Variants in GABRG3 observed in about 807,000 individuals in gnomAD.
GABRG3 encodes the protein gamma-aminobutyric acid type A receptor subunit gamma3, also known as gamma-aminobutyric acid receptor subunit gamma-3.
In GABRG3, 25 loss-of-function variants were observed where a neutral mutation model predicts 48.8. The ratio of observed to expected loss-of-function variants is 0.51; its 90% CI spans 0.37 to 0.72. GABRG3 has a LOEUF of 0.72. Among genes scored for constraint, GABRG3 ranks in the 30% least tolerant of loss-of-function variants. GABRG3 has a pLI of 0.00. For missense variants in GABRG3, 394 were observed against 577.9 expected, an observed-to-expected ratio of 0.68 and a Z score of 3.26; for synonymous variants, 227 against 217.6, an observed-to-expected ratio of 1.04 and a Z score of -0.38.
At chr15:27,530,737 C>T in intron 9 of GABRG3, 1 of 470,950 alleles carries the variant, frequency 2.1e-6, no homozygotes, top group Non-Finnish European at 4.4e-6. Context: ...GTGTGGCTGC[C>T]TTACCTTGCA....
rs1270603861 is a variant in GABRG3 at position 27,215,725 on chromosome 15, G to T, written c.271-111084G>T. 2.0e-5 allele frequency among the ~76,000 whole-genome samples: 3 copies of T among 152,194 alleles called. No individual in the cohort carries two copies. In the East Asian group the frequency reaches 5.8e-4, roughly 29 times the overall value. On this transcript the variant is annotated intron_variant, in intron 3 of 9. Transcript: ENST00000615808. ...GGCATTCTGATTGCTCGAGTCAGGGGTGTGGGTCATGCCATGACCAGTTTG... is the reference window on the plus strand; with the variant it reads ...GGCATTCTGATTGCTCGAGTCAGGGTTGTGGGTCATGCCATGACCAGTTTG...
At chr15:27,304,951 T>A (rs1223315541) in intron 3 of GABRG3, among the ~76,000 whole-genome samples, 1 of 151,984 alleles carries the variant, frequency 6.6e-6, no homozygotes, top group Non-Finnish European at 1.5e-5. Context: ...TTATTTCACT[T>A]ATTGTATATC....
In GABRG3 at chr15:27,457,169, G is replaced by A. The variant is rs968746908; in HGVS notation, c.575-23481G>A. Among the ~76,000 whole-genome samples, 4 of 152,144 alleles carry A rather than the reference G, an allele frequency of 2.6e-5. No homozygotes were observed. Among genetic ancestry groups the A allele is most frequent in the Admixed American group, 1.3e-4 (2 of 15,270 alleles). ...AGCATTCATTAGAGACCACAGTGGCGGCATGCAGCTGGACTGGGAGTGACT... is the reference window on the plus strand; with the variant it reads ...AGCATTCATTAGAGACCACAGTGGCAGCATGCAGCTGGACTGGGAGTGACT... On this transcript the variant is annotated intron_variant, in intron 5 of 9. Transcript: ENST00000615808. The surrounding 1 kb of genome is among the most constrained non-coding windows in gnomAD (Gnocchi z 4.4).
intron 3 of GABRG3, among the ~76,000 whole-genome samples, chr15:27,060,177 T>C (rs765625751): frequency 2.6e-5 from 4 of 152,234 alleles, no homozygotes; most frequent in Admixed American, 6.5e-5. Flanking sequence ...TCAAGAGCTT[T>C]CCCAGGAGAA....
At chr15:27,170,204 G>A (rs914519208) in intron 3 of GABRG3, among the ~76,000 whole-genome samples, 6 of 152,028 alleles carry the variant, frequency 3.9e-5, no homozygotes, top group African/African-American at 1.4e-4. Flanking sequence ...AAGATGTTTG[G>A]CCATCTAAAG....
At chr15:27,039,224 G>A (rs2140696254) in intron 3 of GABRG3, among the ~76,000 whole-genome samples, 1 of 152,330 alleles carries the variant, frequency 6.6e-6, no homozygotes, top group East Asian at 1.9e-4. Context: ...ATTCTTGCCA[G>A]ACTGACTTAG....
chr15:27,112,836 A>G (rs1485047153), intron 3 of GABRG3, among the ~76,000 whole-genome samples: 2 of 152,194 alleles, frequency 1.3e-5, no homozygotes, highest in Non-Finnish European at 2.9e-5. Context: ...TGAGCGATTA[A>G]CTTGCTAGTT....
intron 5 of GABRG3, among the ~76,000 whole-genome samples, chr15:27,437,493 C>T (rs191462457): frequency 1.3e-3 from 196 of 152,324 alleles, no homozygotes; most frequent in Middle Eastern, 6.8e-3. Flanking sequence ...CTCCTTGTCC[C>T]TGCTCACTTC....
chr15:27,472,360 C>T (rs1595777912), intron 5 of GABRG3, among the ~76,000 whole-genome samples: 1 of 152,266 alleles, frequency 6.6e-6, no homozygotes, highest in East Asian at 1.9e-4. Context: ...ACTGCAACCT[C>T]TGCCTCCCGG....
intron 6 of GABRG3, chr15:27,482,893 T>A (rs1890134033): frequency 6.6e-6 from 1 of 152,232 alleles, no homozygotes; most frequent in African/African-American, 2.4e-5. Context: ...TCCCACCATC[T>A]TCTCACTGTG....
intron 5 of GABRG3, among the ~76,000 whole-genome samples, chr15:27,423,451 G>A (rs1888192259): frequency 6.6e-6 from 1 of 151,448 alleles, no homozygotes; most frequent in African/African-American, 2.4e-5. Context: ...GGAGCATTAT[G>A]CAGTCTATTA....
intron 3 of GABRG3, among the ~76,000 whole-genome samples, chr15:27,035,584 G>GC (rs1208790673): frequency 6.6e-6 from 1 of 152,086 alleles, no homozygotes; most frequent in African/African-American, 2.4e-5. Context: ...GTTGGGTTGG[G>GC]CCCCCTATTA....
rs143110788 is a variant in GABRG3 at position 27,026,914 on chromosome 15, G to T, written c.270+93G>T. The T allele has an allele frequency of 2.9e-5, 23 of 801,540 alleles. No individual in the cohort carries two copies. In the South Asian group the frequency reaches 5.4e-4, roughly 19 times the overall value. The allele number at this position is 801,540 out of a possible 1,614,324, so 49.7% of individuals were successfully genotyped here. On this transcript the variant is annotated intron_variant, in intron 3 of 9. Transcript: ENST00000615808. ...ATTTCTGTTTGAGATTTATCATGCCGGTTTAAAACTCACACTGACTTCTTA... is the reference window on the plus strand; with the variant it reads ...ATTTCTGTTTGAGATTTATCATGCCTGTTTAAAACTCACACTGACTTCTTA...
chr15:27,140,469 C>T (rs1009137502), intron 3 of GABRG3, among the ~76,000 whole-genome samples: 6 of 152,164 alleles, frequency 3.9e-5, no homozygotes, highest in African/African-American at 1.4e-4. Context: ...TGTTTTTAAT[C>T]TCAGTATTTA....
chr15:27,514,352 T>G (rs1402564983), intron 6 of GABRG3, among the ~76,000 whole-genome samples: 1 of 152,202 alleles, frequency 6.6e-6, no homozygotes, highest in African/African-American at 2.4e-5. Context: ...ATTAAGGAGT[T>G]GGCTGAGCTT....
At chr15:27,308,838 TA>T (rs1460561210) in intron 3 of GABRG3, among the ~76,000 whole-genome samples, 3 of 150,086 alleles carry the variant, frequency 2.0e-5, no homozygotes, top group African/African-American at 7.3e-5. Flanking sequence ...TACGTTTATA[TA>T]AAAACACAGA....
At chr15:27,303,943 ATAAT>A (rs1334531797) in intron 3 of GABRG3, among the ~76,000 whole-genome samples, 1 of 152,012 alleles carries the variant, frequency 6.6e-6, no homozygotes, top group African/African-American at 2.4e-5. Flanking sequence ...TACTCTGAAA[ATAAT>A]TAATGTAATT....
intron 3 of GABRG3, among the ~76,000 whole-genome samples, chr15:27,182,187 C>T (rs1356652028): frequency 2.6e-5 from 4 of 152,010 alleles, no homozygotes; most frequent in African/African-American, 4.8e-5. Flanking sequence ...TGGAAGTCAC[C>T]GTCTACAGTT....
chr15:27,501,152 C>T (rs370398893), intron 6 of GABRG3, among the ~76,000 whole-genome samples: 22 of 152,056 alleles, frequency 1.4e-4, no homozygotes, highest in South Asian at 1.0e-3. Context: ...AGGGTTTCAC[C>T]GTGTTAACCA....
Sources: allele counts gnomAD v4.1 joint callset (sites outside exome capture counted in the v4.1 genomes callset), GRCh38; gene constraint gnomAD v4.1.1; non-coding constraint Gnocchi (gnomAD v3.1); transcripts MANE v1.5; gene names NCBI Gene and HGNC (gene_info 2026-07-23, HGNC 2026-07-21).